LARGE1: variants seen among roughly 807,000 people sequenced by gnomAD.
LARGE1 encodes the protein xylosyl- and glucuronyltransferase LARGE1.
A neutral mutation model predicts 87.6 loss-of-function variants in LARGE1; 43 were observed. The ratio of observed to expected loss-of-function variants is 0.49; its 90% CI spans 0.38 to 0.63. LARGE1 has a LOEUF of 0.63. LARGE1 is among the 30% of genes least tolerant of loss of function. The pLI, the probability that LARGE1 is intolerant of heterozygous loss-of-function variation, is 0.00. For synonymous variants in LARGE1, 434 were observed against 394.6 expected (o/e 1.10, Z -1.18); for missense variants, 802 against 1,000.2 (o/e 0.80, Z 2.67).
chr22:33,762,839 A>C (rs909492069), intron 1 of LARGE1, among the ~76,000 whole-genome samples: 1 of 152,216 alleles, frequency 6.6e-6, no homozygotes, highest in African/African-American at 2.4e-5. Context: ...CCACCTCCTG[A>C]CATAGGTGTC....
intron 6 of LARGE1, among the ~76,000 whole-genome samples, chr22:33,460,895 A>C (rs1479428061): frequency 6.6e-6 from 1 of 152,172 alleles, no homozygotes; most frequent in Non-Finnish European, 1.5e-5. Flanking sequence ...TTCTAGGCCC[A>C]TTCTCAGGGA....
chr22:33,815,781 T>C (rs1384848225), intron 1 of LARGE1, among the ~76,000 whole-genome samples: 1 of 152,194 alleles, frequency 6.6e-6, no homozygotes, highest in African/African-American at 2.4e-5. Flanking sequence ...TTCACATCCA[T>C]GCAGACGGCT....
chr22:33,485,252 C>T lies in LARGE1; in HGVS notation c.788-52987G>A, dbSNP rs1319202180. Among the ~76,000 whole-genome samples the T allele has an allele frequency of 1.2e-3, 157 of 133,532 alleles. No homozygotes were observed. In the Middle Eastern group the frequency reaches 0.015, roughly 13 times the overall value. The allele number at this position is 133,532 out of a possible 152,430, so 87.6% of individuals were successfully genotyped here. A position where few individuals can be genotyped will look rare whatever the true frequency, so the allele number is the denominator to read the frequency against. On this transcript the variant is annotated intron_variant, in intron 6 of 14. Transcript: ENST00000397394. ...TTTTTGAGACAGAGTCTTGCTCTGT[C>T]GCCCAGGCTGGAGTGCAGTGGCACG...
chr22:33,408,324 A>G (rs1009689573), intron 7 of LARGE1, among the ~76,000 whole-genome samples: 1 of 152,200 alleles, frequency 6.6e-6, no homozygotes, highest in African/African-American at 2.4e-5. Flanking sequence ...GGAGGAGTAC[A>G]TAATTGTTTT....
chr22:33,320,739 A>G (rs1936630764), intron 10 of LARGE1: 1 of 152,226 alleles, frequency 6.6e-6, no homozygotes, highest in Admixed American at 6.5e-5. Context: ...ATTTGCTTCA[A>G]TATTTGCATC....
intron 6 of LARGE1, among the ~76,000 whole-genome samples, chr22:33,488,873 AG>A (rs1478956225): frequency 1.3e-5 from 2 of 152,210 alleles, no homozygotes; most frequent in African/African-American, 4.8e-5. Flanking sequence ...CTCCTTGCGA[AG>A]TGCAAATGTA....
intron 2 of LARGE1, among the ~76,000 whole-genome samples, chr22:33,749,591 CAA>C (rs200958302): frequency 0.021 from 3,137 of 152,344 alleles, 48 homozygotes; most frequent in Non-Finnish European, 0.029. Flanking sequence ...CTGTAATTTT[CAA>C]AAGTTTTATC....
chr22:33,593,332 T>A lies in LARGE1; in HGVS notation c.615+11103A>T, dbSNP rs1208512692. ...TGCTGGGATTACAGGCGTGAGCCACTGCACCTGGCCTATTGGTGTATATTT... is the reference window on the plus strand; with the variant it reads ...TGCTGGGATTACAGGCGTGAGCCACAGCACCTGGCCTATTGGTGTATATTT... On this transcript the variant is annotated intron_variant, in intron 5 of 14. Transcript: ENST00000397394. Among the ~76,000 whole-genome samples the A allele has an allele frequency of 4.6e-5, 7 of 152,052 alleles. No individual in the cohort carries two copies. In the East Asian group the frequency reaches 1.4e-3, roughly 29 times the overall value.
At chr22:33,642,836 T>A (rs1367524244) in intron 3 of LARGE1, among the ~76,000 whole-genome samples, 1 of 151,202 alleles carries the variant, frequency 6.6e-6, no homozygotes, top group Admixed American at 6.6e-5. Context: ...GGGATCAATG[T>A]AACATGAAGA....
intron 1 of LARGE1, among the ~76,000 whole-genome samples, chr22:33,787,609 T>C (rs1194584319): frequency 6.6e-6 from 1 of 152,174 alleles, no homozygotes; most frequent in Non-Finnish European, 1.5e-5. Flanking sequence ...CATGTTGCAC[T>C]CAGCTCAATC....
At chr22:33,289,197 A>G (rs1037926716) in intron 12 of LARGE1, among the ~76,000 whole-genome samples, 1 of 152,154 alleles carries the variant, frequency 6.6e-6, no homozygotes, top group East Asian at 1.9e-4. Context: ...TGACCTCGTG[A>G]TCTGCCTGCC....
At chr22:33,076,388 G>A in the LARGE1 span, among the ~76,000 whole-genome samples, 1 of 152,126 alleles carries the variant, frequency 6.6e-6, no homozygotes, top group African/African-American at 2.4e-5. Flanking sequence ...TCTTGGCTTT[G>A]GCTATGTGGC....
In LARGE1 at chr22:33,283,202, C is replaced by T. The variant is rs1289114844; in HGVS notation, c.1877G>A (p.Arg626Lys). Residue 626 changes from arginine (R) to lysine (K), a missense_variant and splice_region_variant, in exon 13 of 15, where the codon AGG (arginine) becomes AAG (lysine). Transcript: ENST00000397394. ...MLDMGTLFTF[R>K]YHVWTKGHAP... ...GAGTACAGCAGCTAGAGCCACTCAC[C>T]TGAATGTGAAGAGGGTCCCCATGTC... 1.2e-6 allele frequency: 2 copies of T among 1,614,012 alleles called. No individual in the cohort carries two copies. Among genetic ancestry groups the T allele is most frequent in the Non-Finnish European group, 1.7e-6 (2 of 1,180,046 alleles).
At chr22:33,601,952 G>A (rs750446598) in intron 5 of LARGE1, among the ~76,000 whole-genome samples, 3 of 152,050 alleles carry the variant, frequency 2.0e-5, no homozygotes, top group East Asian at 1.9e-4. Flanking sequence ...CCTTTCATCC[G>A]AGACCTCATG....
chr22:33,093,758 C>T, the LARGE1 span, among the ~76,000 whole-genome samples: 2 of 144,648 alleles, frequency 1.4e-5, no homozygotes, highest in African/African-American at 5.1e-5. Context: ...GGTGTGGGGG[C>T]GGTGGGATGG....
chr22:33,372,661 GTGT>G (rs2064855182), intron 9 of LARGE1, among the ~76,000 whole-genome samples: 1 of 152,192 alleles, frequency 6.6e-6, no homozygotes, highest in African/African-American at 2.4e-5. Context: ...CCCACAACAT[GTGT>G]TAATTGTGGG....
intron 2 of LARGE1, among the ~76,000 whole-genome samples, chr22:33,741,948 C>A (rs938008238): frequency 2.0e-5 from 3 of 152,174 alleles, no homozygotes; most frequent in African/African-American, 7.2e-5. Context: ...GCTTCAGATA[C>A]CCCACTTTTA....
At chr22:33,077,939 T>C in the LARGE1 span, among the ~76,000 whole-genome samples, 22 of 152,168 alleles carry the variant, frequency 1.4e-4, no homozygotes, top group Admixed American at 1.4e-3. Flanking sequence ...CTTTGTTTCG[T>C]TTCCTTTTTT....
rs185825925 is a variant in LARGE1 at position 33,788,989 on chromosome 22, G to T, written c.-82-27431C>A. On this transcript the variant is annotated intron_variant, in intron 1 of 14. Coordinates refer to ENST00000397394, the MANE Select transcript of LARGE1 (RefSeq NM_133642.5). ...TGATAAGAAATTCAAGCCTGCTGCA[G>T]AAATTTGCCTAAGTAATGAGGAGCC... 4.6e-5 allele frequency among the ~76,000 whole-genome samples: 7 copies of T among 152,352 alleles called. No individual in the cohort carries two copies. In the East Asian group the frequency reaches 9.6e-4, roughly 21 times the overall value.
Sources: gnomAD v4.1 joint callset for allele counts (sites outside exome capture counted in the v4.1 genomes callset) on GRCh38, gnomAD v4.1.1 for gene constraint, MANE v1.5 for transcripts, NCBI Gene and HGNC (gene_info 2026-07-23, HGNC 2026-07-21) for gene names.